Variants in WDR45B observed in about 807,000 individuals in gnomAD.
The protein encoded by WDR45B is WD repeat domain 45B, also known as WD repeat domain phosphoinositide-interacting protein 3.
Under a neutral mutation model 44.6 loss-of-function variants are expected in WDR45B, and 20 were observed. The ratio of observed to expected loss-of-function variants is 0.45; its 90% CI spans 0.32 to 0.65. The LOEUF (loss-of-function observed/expected upper bound fraction) is 0.65, where lower values mean the gene tolerates loss of function less well. Among genes scored for constraint, WDR45B ranks in the 30% least tolerant of loss-of-function variants. WDR45B has a pLI of 0.05. For missense variants in WDR45B, 323 were observed against 430.2 expected, an observed-to-expected ratio of 0.75 and a Z score of 2.20; for synonymous variants, 169 against 164.9, an observed-to-expected ratio of 1.02 and a Z score of -0.19.
At chr17:82,642,317 C>A (rs935426894) in intron 2 of WDR45B, among the ~76,000 whole-genome samples, 4 of 152,306 alleles carry the variant, frequency 2.6e-5, no homozygotes, top group African/African-American at 4.8e-5. Flanking sequence ...GAACGGCACA[C>A]GCGAGGGATG....
chr17:82,642,725 G>A (rs1460879468), intron 2 of WDR45B, among the ~76,000 whole-genome samples: 3 of 152,126 alleles, frequency 2.0e-5, no homozygotes, highest in African/African-American at 7.2e-5. Flanking sequence ...TGGTGTGTGG[G>A]GAGAAATTCC....
At chr17:82,623,776 G>C (rs1034009666) in intron 5 of WDR45B, among the ~76,000 whole-genome samples, 1 of 151,814 alleles carries the variant, frequency 6.6e-6, no homozygotes, top group Non-Finnish European at 1.5e-5. Flanking sequence ...AAAACATCTG[G>C]GGCACTTCCC....
intron 1 of WDR45B, among the ~76,000 whole-genome samples, chr17:82,647,345 G>C (rs558983103): frequency 2.0e-5 from 3 of 152,250 alleles, no homozygotes; most frequent in African/African-American, 7.2e-5. Context: ...GCCTGTCTCG[G>C]AATAACGGAC....
chr17:82,624,552 G>A (rs560042476), intron 5 of WDR45B, among the ~76,000 whole-genome samples: 10 of 151,828 alleles, frequency 6.6e-5, no homozygotes, highest in Non-Finnish European at 2.9e-5. Context: ...GAGCCACTGC[G>A]CCCGGCCGAC....
At chr17:82,630,706 G>A (rs2045756127) in intron 3 of WDR45B, among the ~76,000 whole-genome samples, 1 of 152,186 alleles carries the variant, frequency 6.6e-6, no homozygotes, top group Non-Finnish European at 1.5e-5. Flanking sequence ...AAACGCACGT[G>A]TTCTATGACA....
chr17:82,626,533 CAAAAA>C (rs562186058), intron 4 of WDR45B, among the ~76,000 whole-genome samples: 3 of 79,458 alleles, frequency 3.8e-5, no homozygotes, highest in African/African-American at 2.2e-4. Flanking sequence ...CTCTATCTCC[CAAAAA>C]AAAAAAAAAA....
intron 6 of WDR45B, among the ~76,000 whole-genome samples, chr17:82,620,214 ACC>A: frequency 6.6e-6 from 1 of 152,216 alleles, no homozygotes; most frequent in Non-Finnish European, 1.5e-5. Context: ...CGGGTGGATC[ACC>A]TGAGGTCGGG....
chr17:82,622,054 C>T (rs926354005), intron 5 of WDR45B, among the ~76,000 whole-genome samples: 7 of 152,090 alleles, frequency 4.6e-5, no homozygotes, highest in African/African-American at 1.4e-4. Flanking sequence ...CATCATGGTA[C>T]GCGCTACCGA....
intron 7 of WDR45B, among the ~76,000 whole-genome samples, chr17:82,618,328 G>C (rs1228154141): frequency 6.6e-6 from 1 of 152,260 alleles, no homozygotes; most frequent in African/African-American, 2.4e-5. Context: ...GGCATGAGAT[G>C]CTACCCAAGT....
chr17:82,638,619 T>C (rs2045870265), intron 2 of WDR45B, among the ~76,000 whole-genome samples: 1 of 151,980 alleles, frequency 6.6e-6, no homozygotes, highest in Admixed American at 6.5e-5. Context: ...TTTATACAAA[T>C]GAGTGAAAAT....
At chr17:82,632,799 G>A (rs1395830790) in intron 2 of WDR45B, among the ~76,000 whole-genome samples, 3 of 152,082 alleles carry the variant, frequency 2.0e-5, no homozygotes, top group Non-Finnish European at 4.4e-5. Flanking sequence ...AGGCAGAGGT[G>A]GGAGGACTGC....
chr17:82,646,655 TGTTA>T (rs1189921285), intron 1 of WDR45B, among the ~76,000 whole-genome samples: 1 of 152,160 alleles, frequency 6.6e-6, no homozygotes, highest in Non-Finnish European at 1.5e-5. Context: ...ATTTCTTAAT[TGTTA>T]GTGACAGGTG....
In WDR45B at chr17:82,619,119, T is replaced by C. The variant is rs764089860; in HGVS notation, c.628A>G (p.Ile210Val). 3.7e-5 allele frequency: 60 copies of C among 1,614,086 alleles called. No individual in the cohort carries two copies. The highest frequency in any genetic ancestry group is 1.6e-4 in the Middle Eastern group (1 of 6,084). ...IATASEKGTL[I>V]RIFDTSSGHL... is the part of the protein sequence containing the mutation. ...CCTGATGAAGTATCAAATATTCTTA[T>C]AAGCGTCCCCTTTGAAAAACAGTGA... is the stretch of plus-strand genomic sequence containing the variant. The change falls in exon 7 of 10, where the codon ATA becomes GTA. Residue 210 changes from isoleucine (I) to valine (V), a missense_variant. Ile to Val is a conservative substitution (Grantham distance 29, BLOSUM62 3). Transcript: ENST00000392325.
intron 2 of WDR45B, among the ~76,000 whole-genome samples, chr17:82,643,034 A>G (rs2045936230): frequency 6.6e-6 from 1 of 152,246 alleles, no homozygotes; most frequent in African/African-American, 2.4e-5. Context: ...TACACTCCAC[A>G]GCACCTAATG....
intron 2 of WDR45B, among the ~76,000 whole-genome samples, chr17:82,633,379 G>A (rs1167975433): frequency 6.6e-6 from 1 of 152,084 alleles, no homozygotes; most frequent in Non-Finnish European, 1.5e-5. Context: ...TTTAAAATTG[G>A]CAAAGGATTT....
intron 5 of WDR45B, among the ~76,000 whole-genome samples, chr17:82,622,722 A>T (rs191111118): frequency 0.031 from 4,535 of 146,532 alleles, 244 homozygotes; most frequent in African/African-American, 0.11. Flanking sequence ...ATGACCAAAA[A>T]TTTTTTTTTT....
chr17:82,624,913 C>A (rs1013903715), intron 5 of WDR45B, among the ~76,000 whole-genome samples: 1 of 152,172 alleles, frequency 6.6e-6, no homozygotes, highest in Non-Finnish European at 1.5e-5. Context: ...CCACCGCGCC[C>A]GGCCACAAAT....
intron 3 of WDR45B, 36 bp downstream of exon 3, chr17:82,630,885 C>G (rs747664461): frequency 1.3e-6 from 2 of 1,580,480 alleles, no homozygotes; most frequent in Non-Finnish European, 1.7e-6. Context: ...GGGTGGGACA[C>G]GTGAGGCATG....
chr17:82,645,714 C>G (rs1390566913), intron 1 of WDR45B, among the ~76,000 whole-genome samples: 1 of 152,188 alleles, frequency 6.6e-6, no homozygotes, highest in Non-Finnish European at 1.5e-5. Context: ...AATCATTACT[C>G]TTATTACTCA....
Sources: gnomAD v4.1 joint callset for allele counts (sites outside exome capture counted in the v4.1 genomes callset) on GRCh38, gnomAD v4.1.1 for gene constraint, MANE v1.5 for transcripts, NCBI Gene and HGNC (gene_info 2026-07-23, HGNC 2026-07-21) for gene names.